RBM45: variants seen among roughly 807,000 people sequenced by gnomAD.
The protein encoded by RBM45 is RNA binding motif protein 45.
In RBM45, 39 loss-of-function variants were observed where a neutral mutation model predicts 58.5. The observed-to-expected ratio is 0.67, with a 90% CI of 0.52 to 0.87. The LOEUF is 0.87. Ranked by LOEUF, RBM45 falls within the 40% of genes least tolerant of loss-of-function variation. The pLI is 0.00. For synonymous variants in RBM45, 193 were observed against 203.0 expected, an observed-to-expected ratio of 0.95 and a Z score of 0.42; for missense variants, 481 against 581.6, an observed-to-expected ratio of 0.83 and a Z score of 1.78.
Position 178,124,248 on chromosome 2 carries a change from A to G in RBM45, c.1190A>G (p.Asn397Ser). The change falls in exon 8 of 10, where the codon AAT becomes AGT. Residue 397 changes from asparagine to serine, a missense_variant. Transcript: ENST00000286070. ...PVKERLFIVF[N>S]PHPLPLDVLE... The stretch of plus-strand genomic sequence containing the variant: ...AAAGAAAGACTTTTTATTGTGTTTA[A>G]TCCTCATCCTTTACCTTTAGACGTA... 2.5e-6 allele frequency: 4 copies of G among 1,595,976 alleles called. No individual in the cohort carries two copies. In the South Asian group the frequency reaches 3.5e-5, roughly 14 times the overall value.
intron 8 of RBM45, among the ~76,000 whole-genome samples, chr2:178,125,082 C>G (rs1000027279): frequency 1.3e-5 from 2 of 151,868 alleles, no homozygotes; most frequent in African/African-American, 2.4e-5. Context: ...AAGAGCTGCA[C>G]AAAATATCAG....
chr2:178,112,880 A>G, intron 1 of RBM45, 34 bp downstream of exon 1: 3 of 1,590,056 alleles, frequency 1.9e-6, no homozygotes, highest in Non-Finnish European at 2.6e-6. Flanking sequence ...CCCTCGGGGG[A>G]AGGAGTGGGC....
intron 3 of RBM45, among the ~76,000 whole-genome samples, chr2:178,119,585 G>A (rs1471853451): frequency 3.3e-5 from 5 of 152,218 alleles, no homozygotes; most frequent in Admixed American, 3.3e-4. Flanking sequence ...AGTAAGAACA[G>A]TTGATCTAAC....
intron 5 of RBM45, among the ~76,000 whole-genome samples, chr2:178,121,855 A>G (rs553130298): frequency 6.6e-6 from 1 of 152,180 alleles, no homozygotes; most frequent in South Asian, 2.1e-4. Context: ...CCAATTCTCA[A>G]TGGAAGCAAG....
At chr2:178,133,444 A>G (rs562462669), downstream of RBM45, among the ~76,000 whole-genome samples, 1 of 152,346 alleles carries the variant, frequency 6.6e-6, no homozygotes, top group Non-Finnish European at 1.5e-5. Flanking sequence ...AGATGTAATT[A>G]TCATTGTCAA....
intron 9 of RBM45, among the ~76,000 whole-genome samples, chr2:178,126,397 A>G (rs971612129): frequency 2.6e-5 from 4 of 152,228 alleles, no homozygotes; most frequent in African/African-American, 9.6e-5. Flanking sequence ...TTAGAAAGAT[A>G]AATAATTGTT....
Position 178,123,506 on chromosome 2 carries a change from A to T in RBM45, c.854-16A>T. On this transcript the variant is annotated splice_polypyrimidine_tract_variant and intron_variant, in intron 5 of 9. Coordinates refer to ENST00000286070, the MANE Select transcript of RBM45 (RefSeq NM_152945.4). ...GTCTGCTTTCCTTTTTCATTTCTGTATGTTCTCTATTTTAGGTCATGGAGT... is the reference window on the plus strand; with the variant it reads ...GTCTGCTTTCCTTTTTCATTTCTGTTTGTTCTCTATTTTAGGTCATGGAGT... 6.5e-7 allele frequency: 1 copy of T among 1,547,586 alleles called. No individual in the cohort carries two copies. The highest frequency in any genetic ancestry group is 8.7e-7 in the Non-Finnish European group (1 of 1,154,548).
At chr2:178,117,990 A>T (rs777572949) in intron 2 of RBM45, 65 bp from the exon 3 acceptor site, 98 of 1,352,176 alleles carry the variant, frequency 7.2e-5, no homozygotes, top group Non-Finnish European at 9.5e-5. Flanking sequence ...ACAAATTTTT[A>T]GTTCTGAAAT....
Position 178,116,297 on chromosome 2 carries a change from C to T in RBM45, c.336C>T (p.His112=). 6.2e-7 allele frequency: 1 copy of T among 1,612,078 alleles called. No homozygotes were observed. Among genetic ancestry groups the T allele is most frequent in the Middle Eastern group, 1.7e-4 (1 of 6,052 alleles). ...FIAQSRSSGS[H]RDVEDEELTR... ...CTCAGTCCCGATCATCTGGAAGTCA[C>T]CGAGATGTTGAAGATGAAGAACTTA... The change falls in exon 2 of 10, where the codon CAC becomes CAT. Residue 112 remains histidine, a synonymous_variant. Transcript: ENST00000286070.
At chr2:178,114,491 GAAAT>G (rs1415085780) in intron 1 of RBM45, among the ~76,000 whole-genome samples, 2 of 152,096 alleles carry the variant, frequency 1.3e-5, no homozygotes, top group East Asian at 3.8e-4. Flanking sequence ...TTCCCAAAAA[GAAAT>G]AAACTTTACT....
At chr2:178,126,474 G>A (rs1435954812) in intron 9 of RBM45, among the ~76,000 whole-genome samples, 1 of 151,452 alleles carries the variant, frequency 6.6e-6, no homozygotes, top group Non-Finnish European at 1.5e-5. Flanking sequence ...AAACTTTTAA[G>A]TTGTCCGGTG....
At position 178,112,748 on chromosome 2, in the gene RBM45, A is replaced by G. The variant is rs768338205; in HGVS notation, c.202A>G (p.Ile68Val). The G allele has an allele frequency of 2.5e-6, 4 of 1,614,078 alleles. No homozygotes were observed. In the South Asian group the frequency reaches 3.3e-5, roughly 13 times the overall value. ...CAAGCACACCAAGGAGTCCAAGGGC[A>G]TTGCTTTCGTCAAGTTCGCCCGCAG... ...RDKHTKESKGIAFVKFARSSQ... is the reference protein window; with the variant it reads ...RDKHTKESKGVAFVKFARSSQ... The change falls in exon 1 of 10, where the codon ATT becomes GTT. Residue 68 changes from isoleucine to valine, a missense_variant. Transcript: ENST00000286070.
At chr2:178,113,582 G>A (rs2087733047) in intron 1 of RBM45, among the ~76,000 whole-genome samples, 1 of 152,192 alleles carries the variant, frequency 6.6e-6, no homozygotes. Flanking sequence ...TTGTGATAAT[G>A]ACACATGGCA....
chr2:178,120,001 G>A (rs1175643592), intron 3 of RBM45, among the ~76,000 whole-genome samples: 1 of 152,188 alleles, frequency 6.6e-6, no homozygotes. Context: ...GAGCTTAGGT[G>A]AATGAATGAC....
At chr2:178,131,372 A>G (rs922152442), downstream of RBM45, among the ~76,000 whole-genome samples, 1 of 152,214 alleles carries the variant, frequency 6.6e-6, no homozygotes, top group Non-Finnish European at 1.5e-5. Flanking sequence ...ACCTGAGTCC[A>G]TTGCATCTTT....
intron 3 of RBM45, among the ~76,000 whole-genome samples, chr2:178,118,626 C>G (rs2087809040): frequency 6.6e-6 from 1 of 151,954 alleles, no homozygotes; most frequent in Admixed American, 6.6e-5. Context: ...ACATAGGTAA[C>G]TGATATAGAT....
chr2:178,120,194 T>C, intron 3 of RBM45, 93 bp from the exon 4 acceptor site: 2 of 1,525,024 alleles, frequency 1.3e-6, no homozygotes, highest in South Asian at 1.2e-5. Context: ...TGTACAATTA[T>C]ATTTATAAAG....
rs143301316 is a variant in RBM45 at position 178,121,221 on chromosome 2, C to G, written c.715C>G (p.Arg239Gly). The G allele has an allele frequency of 6.3e-7, 1 of 1,578,978 alleles. No homozygotes were observed. Among genetic ancestry groups the G allele is most frequent in the East Asian group, 2.3e-5 (1 of 43,570 alleles). The change falls in exon 5 of 10, where the codon CGA (arginine) becomes GGA (glycine). Residue 239 changes from arginine (R) to glycine (G), a missense_variant. By Grantham distance (125) the Arg-to-Gly change is moderately radical. Coordinates refer to ENST00000286070, the MANE Select transcript of RBM45 (RefSeq NM_152945.4). ...TTCAAGTTTTGACAAGAATGATAGC[C>G]GAGGCCAGGAAGCAATCTCCAAACG... ...EFSSFDKNDS[R>G]GQEAISKRLS...
At chr2:178,138,457 TA>T (rs1178549026) in exon 4 of RBM45, 1 of 152,130 alleles carries the variant, frequency 6.6e-6, no homozygotes. Flanking sequence ...TAAAAAATTT[TA>T]AAAGTCACAA....
Sources: gnomAD v4.1 joint callset for allele counts (sites outside exome capture counted in the v4.1 genomes callset) on GRCh38, gnomAD v4.1.1 for gene constraint, MANE v1.5 for transcripts, NCBI Gene and HGNC (gene_info 2026-07-23, HGNC 2026-07-21) for gene names.